Variants in NCKAP5 observed in about 807,000 individuals in gnomAD.
NCKAP5 encodes nck-associated protein 5.
A neutral mutation model predicts 167.0 loss-of-function variants in NCKAP5; 92 were observed. The observed-to-expected ratio is 0.55, with a 90% CI of 0.47 to 0.66. The LOEUF (loss-of-function observed/expected upper bound fraction) is 0.66. Among genes scored for constraint, NCKAP5 ranks in the 30% least tolerant of loss-of-function variants. The pLI is 0.00. For missense variants in NCKAP5, 2,378 were observed against 2,315.0 expected (o/e 1.03, Z -0.56); for synonymous variants, 891 against 877.4 (o/e 1.02, Z -0.27).
the NCKAP5 span, among the ~76,000 whole-genome samples, chr2:133,647,738 A>AAGGAAGGAAGGAAGGG: frequency 6.8e-6 from 1 of 146,584 alleles, no homozygotes. Context: ...GGAAGGAAGG[A>AAGGAAGGAAGGAAGGG]AGGAAGGAAG....
intron 5 of NCKAP5, among the ~76,000 whole-genome samples, chr2:133,132,528 A>G (rs1318954019): frequency 6.9e-6 from 1 of 145,980 alleles, no homozygotes; most frequent in African/African-American, 2.7e-5. Context: ...AACCCTGATA[A>G]CACAGAGAAA....
At chr2:132,979,903 C>T (rs2077080256) in intron 7 of NCKAP5, among the ~76,000 whole-genome samples, 1 of 152,020 alleles carries the variant, frequency 6.6e-6, no homozygotes, top group South Asian at 2.1e-4. Flanking sequence ...AGCCATGAGA[C>T]CACAGCCACA....
chr2:132,787,247 C>T (rs1465626125), intron 13 of NCKAP5, among the ~76,000 whole-genome samples: 4 of 151,024 alleles, frequency 2.6e-5, no homozygotes, highest in Admixed American at 2.0e-4. Flanking sequence ...ACTCAGGAGG[C>T]TAAGGCAGGA....
intron 5 of NCKAP5, among the ~76,000 whole-genome samples, chr2:133,141,366 GTTCT>G (rs2082989985): frequency 6.6e-6 from 1 of 150,706 alleles, no homozygotes; most frequent in South Asian, 2.1e-4. Flanking sequence ...ACATTGTACC[GTTCT>G]TTTTGTTCGC....
chr2:132,874,524 G>A (rs1691114667), intron 9 of NCKAP5, among the ~76,000 whole-genome samples: 3 of 152,188 alleles, frequency 2.0e-5, no homozygotes, highest in Admixed American at 2.0e-4. Flanking sequence ...AGAGACAGGT[G>A]AGAAATAGTC....
At chr2:132,881,550 CTTTCTT>C (rs1691752318) in intron 8 of NCKAP5, among the ~76,000 whole-genome samples, 1 of 112,142 alleles carries the variant, frequency 8.9e-6, no homozygotes, top group Non-Finnish European at 1.7e-5. Flanking sequence ...TCTTCCTTAC[CTTTCTT>C]TTTTTTTTTT....
chr2:132,737,203 A>C (rs1691608171), intron 16 of NCKAP5, among the ~76,000 whole-genome samples: 1 of 152,204 alleles, frequency 6.6e-6, no homozygotes. Flanking sequence ...CCATCTCGGT[A>C]CACCTGGAAC....
At chr2:133,215,957 T>C (rs1010625812) in intron 4 of NCKAP5, among the ~76,000 whole-genome samples, 3 of 152,100 alleles carry the variant, frequency 2.0e-5, no homozygotes, top group African/African-American at 4.8e-5. Flanking sequence ...AAATTAATTA[T>C]ATTTTACTAG....
intron 6 of NCKAP5, among the ~76,000 whole-genome samples, chr2:133,053,447 C>T (rs935005043): frequency 6.6e-6 from 1 of 152,220 alleles, no homozygotes; most frequent in African/African-American, 2.4e-5. Context: ...ATCCTAATCA[C>T]AACTCTACTT....
chr2:132,709,309 A>G (rs1271130377), intron 19 of NCKAP5, among the ~76,000 whole-genome samples: 2 of 152,166 alleles, frequency 1.3e-5, no homozygotes, highest in Admixed American at 1.3e-4. Context: ...TAAAAGAAGA[A>G]TAAGATAACA....
At chr2:133,469,622 A>G (rs1439131932) in intron 3 of NCKAP5, among the ~76,000 whole-genome samples, 1 of 152,162 alleles carries the variant, frequency 6.6e-6, no homozygotes, top group East Asian at 1.9e-4. Flanking sequence ...ACTTGCTTCC[A>G]TTCTCCCCAT....
At chr2:133,147,210 G>A (rs2083229490) in intron 5 of NCKAP5, among the ~76,000 whole-genome samples, 1 of 152,140 alleles carries the variant, frequency 6.6e-6, no homozygotes, top group African/African-American at 2.4e-5. Context: ...ATCAACCAGT[G>A]TTTACTAAAT....
intron 3 of NCKAP5, among the ~76,000 whole-genome samples, chr2:133,353,264 T>G (rs1684486510): frequency 6.6e-6 from 1 of 152,148 alleles, no homozygotes; most frequent in South Asian, 2.1e-4. Flanking sequence ...GAGGAAGTAA[T>G]GGGATTATCA....
At chr2:133,639,639 A>G in the NCKAP5 span, among the ~76,000 whole-genome samples, 2 of 152,210 alleles carry the variant, frequency 1.3e-5, no homozygotes, top group African/African-American at 4.8e-5. Context: ...AAAAGGAGAG[A>G]GAAACAGGAG....
At chr2:133,539,309 G>C (rs535426878) in intron 2 of NCKAP5, among the ~76,000 whole-genome samples, 1 of 152,058 alleles carries the variant, frequency 6.6e-6, no homozygotes. Flanking sequence ...GGGGTGTCTG[G>C]TAAGCTTCCC....
chr2:132,709,112 T>G, intron 19 of NCKAP5, among the ~76,000 whole-genome samples: 1 of 152,220 alleles, frequency 6.6e-6, no homozygotes, highest in Middle Eastern at 3.4e-3. Flanking sequence ...CTACACATTC[T>G]TTTGGGTTTT....
chr2:133,186,428 T>C (rs551811649), intron 5 of NCKAP5, among the ~76,000 whole-genome samples: 1 of 152,276 alleles, frequency 6.6e-6, no homozygotes, highest in African/African-American at 2.4e-5. Context: ...GTTTTCACTG[T>C]GTCTCTGCAA....
At chr2:133,478,849 G>A (rs1026579666) in intron 3 of NCKAP5, among the ~76,000 whole-genome samples, 15 of 151,932 alleles carry the variant, frequency 9.9e-5, no homozygotes, top group Admixed American at 3.9e-4. Context: ...AAAGCATGCT[G>A]GGGACAGTGA....
intron 3 of NCKAP5, among the ~76,000 whole-genome samples, chr2:133,389,441 C>T (rs1225588207): frequency 2.0e-5 from 3 of 152,092 alleles, no homozygotes; most frequent in Non-Finnish European, 4.4e-5. Context: ...CTGAGTTAGT[C>T]CCAGGTAAGG....
Sources: gnomAD v4.1 joint callset for allele counts (sites outside exome capture counted in the v4.1 genomes callset) on GRCh38, gnomAD v4.1.1 for gene constraint, MANE v1.5 for transcripts, NCBI Gene and HGNC (gene_info 2026-07-23, HGNC 2026-07-21) for gene names.